The following ARID2 variants were observed in gnomAD, a reference collection of about 807,000 sequenced individuals.
The protein encoded by ARID2 is AT-rich interactive domain-containing protein 2.
In ARID2, 32 loss-of-function variants were observed where a neutral mutation model predicts 184.6. That is an observed-to-expected ratio of 0.17 (90% confidence interval 0.13 to 0.23). The LOEUF is 0.23. Among genes scored for constraint, ARID2 ranks in the 10% least tolerant of loss-of-function variants. The probability of loss-of-function intolerance (pLI) is 1.00; values close to 1 mark genes in which losing one functional copy is unlikely to be tolerated. For synonymous variants in ARID2, 836 were observed against 772.6 expected (o/e 1.08, Z -1.36); for missense variants, 1,696 against 2,197.6 (o/e 0.77, Z 4.56).
At chr12:45,762,136 A>C (rs1031020189) in intron 3 of ARID2, among the ~76,000 whole-genome samples, 1 of 151,296 alleles carries the variant, frequency 6.6e-6, no homozygotes, top group Non-Finnish European at 1.5e-5. Context: ...ATTAGTTCTG[A>C]TTTTTCTTGA....
At chr12:45,772,283 TCAAA>T (rs761794845) in intron 3 of ARID2, among the ~76,000 whole-genome samples, 17 of 152,176 alleles carry the variant, frequency 1.1e-4, no homozygotes, top group Non-Finnish European at 1.9e-4. Context: ...TGTAAATGGA[TCAAA>T]CAGTCAATTC....
chr12:45,875,942 T>C (rs1156969659), intron 16 of ARID2, among the ~76,000 whole-genome samples: 1 of 152,230 alleles, frequency 6.6e-6, no homozygotes, highest in Admixed American at 6.5e-5. Flanking sequence ...TCCTGACATT[T>C]GGGTGTTCAC....
chr12:45,849,094 G>A (rs1250659835), intron 13 of ARID2, 124 bp downstream of exon 13: 44 of 1,137,450 alleles, frequency 3.9e-5, no homozygotes, highest in Admixed American at 7.9e-5. Flanking sequence ...GTTTCGTATG[G>A]ATAGGTTATA....
chr12:45,742,837 TCAAAGA>T (rs778648240), intron 3 of ARID2, among the ~76,000 whole-genome samples: 5 of 152,194 alleles, frequency 3.3e-5, no homozygotes, highest in African/African-American at 4.8e-5. Flanking sequence ...GAAGCAGCAA[TCAAAGA>T]ATAAATGCAC....
rs527507778 is a variant in ARID2, at chr12:45,742,752, C to T, written c.284+11438C>T. ...AATGTCATCTGAATAATCTGTAAAT[C>T]TTAGTAACTTTATGCAAACCTATTT... On this transcript the variant is annotated intron_variant, in intron 3 of 20. Coordinates refer to ENST00000334344, the MANE Select transcript of ARID2 (RefSeq NM_152641.4). Among the ~76,000 whole-genome samples the T allele has an allele frequency of 2.6e-5, 4 of 152,244 alleles. No homozygotes were observed. The East Asian group carries it at 5.8e-4, about 22-fold the overall frequency.
intron 6 of ARID2, among the ~76,000 whole-genome samples, chr12:45,833,862 T>A (rs561593836): frequency 6.6e-6 from 1 of 152,344 alleles, no homozygotes; most frequent in East Asian, 1.9e-4. Flanking sequence ...ACTTAATACT[T>A]AGCAATGAAC....
At chr12:45,902,813 G>A (rs77218554) in intron 20 of ARID2, among the ~76,000 whole-genome samples, 46 of 152,136 alleles carry the variant, frequency 3.0e-4, no homozygotes, top group South Asian at 1.0e-3. Context: ...AAAGCGTTTT[G>A]TAAATTTTTA....
chr12:45,819,665 A>G (rs1942862090), intron 5 of ARID2, among the ~76,000 whole-genome samples: 1 of 151,236 alleles, frequency 6.6e-6, no homozygotes, highest in Non-Finnish European at 1.5e-5. Flanking sequence ...AAGAAATTTC[A>G]TTTTTCAATT....
intron 3 of ARID2, among the ~76,000 whole-genome samples, chr12:45,762,325 T>G (rs1941698843): frequency 6.6e-6 from 1 of 152,216 alleles, no homozygotes; most frequent in Admixed American, 6.5e-5. Flanking sequence ...CACATGTGGC[T>G]CTCTCCTGTT....
intron 16 of ARID2, among the ~76,000 whole-genome samples, chr12:45,882,804 A>T (rs1489856032): frequency 1.3e-5 from 2 of 152,240 alleles, no homozygotes; most frequent in East Asian, 3.8e-4. Context: ...ACCAGAAGAG[A>T]TCTTCAGAGG....
chr12:45,748,467 T>C (rs1247725075), intron 3 of ARID2, among the ~76,000 whole-genome samples: 1 of 152,218 alleles, frequency 6.6e-6, no homozygotes, highest in Non-Finnish European at 1.5e-5. Context: ...TGAGTCATAA[T>C]CTTTTTACTG....
intron 6 of ARID2, among the ~76,000 whole-genome samples, chr12:45,832,413 C>T (rs571118566): frequency 2.0e-4 from 31 of 152,188 alleles, no homozygotes; most frequent in South Asian, 1.2e-3. Flanking sequence ...TGGTATCTTA[C>T]GTAAAATTTG....
In ARID2 at chr12:45,851,807, A is replaced by G. The variant is rs755267508; in HGVS notation, c.3684A>G (p.Ser1228=). ...PATQASPAGQ[S]SCTTATPPFK... ...CTCAAGCATCTCCTGCTGGACAATC[A>G]TCATGTACTACTGCTACTCCCCCAT... The change falls in exon 15 of 21, where the codon TCA becomes TCG. Residue 1228 remains serine, a synonymous_variant. Coordinates refer to ENST00000334344, the MANE Select transcript of ARID2 (RefSeq NM_152641.4). 1.2e-6 allele frequency: 2 copies of G among 1,614,166 alleles called. No homozygotes were observed. Among genetic ancestry groups the G allele is most frequent in the South Asian group, 1.1e-5 (1 of 91,080 alleles).
chr12:45,729,786 C>A lies in ARID2; in HGVS notation c.-51C>A. 2 of 1,510,070 alleles carry A rather than the reference C, an allele frequency of 1.3e-6. No individual in the cohort carries two copies. Among genetic ancestry groups the A allele is most frequent in the South Asian group, 2.4e-5 (2 of 83,622 alleles). The allele number at this position is 1,510,070 out of a possible 1,614,324, so 93.5% of individuals were successfully genotyped here. A position where few individuals can be genotyped will look rare whatever the true frequency, so the allele number is the denominator to read the frequency against. ...GGTAGGAAGCGCTGGGAGCGGGGGG[C>A]GCTTTTAAAACACCGATCTGGGTTT... On this transcript the variant is annotated 5_prime_UTR_variant, in exon 1 of 21. Transcript: ENST00000334344.
chr12:45,759,823 G>T (rs1357244299), intron 3 of ARID2, among the ~76,000 whole-genome samples: 1 of 152,122 alleles, frequency 6.6e-6, no homozygotes, highest in Non-Finnish European at 1.5e-5. Context: ...CAGCCTAGTA[G>T]CTGGGACTAC....
intron 16 of ARID2, among the ~76,000 whole-genome samples, chr12:45,864,168 T>A (rs1943797089): frequency 6.6e-6 from 1 of 152,078 alleles, no homozygotes; most frequent in Non-Finnish European, 1.5e-5. Flanking sequence ...AGATGTATAA[T>A]ATAGATTCTT....
intron 15 of ARID2, among the ~76,000 whole-genome samples, 173 bp from the exon 16 acceptor site, chr12:45,860,628 T>C (rs192594725): frequency 7.4e-4 from 113 of 152,070 alleles, no homozygotes; most frequent in African/African-American, 2.6e-3. Context: ...TTCTAAATAT[T>C]TCTATAAAAA....
Position 45,893,948 on chromosome 12 carries a change from A to C in ARID2, c.5363+227A>C, listed in dbSNP as rs139798984. 2,979 of 337,206 alleles carry C rather than the reference A, an allele frequency of 8.8e-3. 17 individuals carry two copies. The highest frequency in any genetic ancestry group is 0.014 in the Middle Eastern group (17 of 1,186). 20.9% of individuals were successfully genotyped at this position (337,206 alleles called of 1,614,324 possible). On this transcript the variant is annotated intron_variant, in intron 20 of 20. Transcript: ENST00000334344. The stretch of plus-strand genomic sequence containing the variant: ...GTCTCTTAAGTTGTTTTATTAAGTT[A>C]ATTTGTCTTACTGACCATATAATTT...
chr12:45,860,701 A>T, intron 15 of ARID2, 100 bp from the exon 16 acceptor site: 1 of 1,050,086 alleles, frequency 9.5e-7, no homozygotes, highest in African/African-American at 1.7e-5. Context: ...ATTTTATGGT[A>T]GAAATGTATA....
Sources: gnomAD v4.1 joint callset for allele counts (sites outside exome capture counted in the v4.1 genomes callset) on GRCh38, gnomAD v4.1.1 for gene constraint, MANE v1.5 for transcripts, NCBI Gene and HGNC (gene_info 2026-07-23, HGNC 2026-07-21) for gene names.